The following HNRNPAB variants were observed in gnomAD, a reference collection of about 807,000 sequenced individuals.
HNRNPAB encodes ABBP-1.
Under a neutral mutation model 44.1 loss-of-function variants are expected in HNRNPAB, and 17 were observed. That is an observed-to-expected ratio of 0.39 (90% CI 0.26 to 0.58). The LOEUF is 0.58. Ranked by LOEUF, HNRNPAB falls within the 20% of genes least tolerant of loss-of-function variation. HNRNPAB has a pLI of 0.63. For missense variants in HNRNPAB, 393 were observed against 432.7 expected (o/e 0.91, Z 0.81); for synonymous variants, 183 against 167.6 (o/e 1.09, Z -0.71).
intron 5 of HNRNPAB, chr5:178,209,020 C>T (rs892527438): frequency 1.2e-5 from 4 of 321,386 alleles, no homozygotes; most frequent in African/African-American, 8.5e-5. Context: ...GTGCCTGGTC[C>T]CAGCCTGTCC....
At chr5:178,210,051 C>T (rs372712452) in intron 6 of HNRNPAB, 81 bp from the exon 7 acceptor site, 35 of 1,569,826 alleles carry the variant, frequency 2.2e-5, no homozygotes, top group Middle Eastern at 3.4e-4. Flanking sequence ...CCCTGCCACC[C>T]CAAAGGGCAG....
chr5:178,209,259 G>A, intron 5 of HNRNPAB, 71 bp from the exon 6 acceptor site: 1 of 1,167,546 alleles, frequency 8.6e-7, no homozygotes, highest in Non-Finnish European at 1.3e-6. Flanking sequence ...GTTTGTCGCA[G>A]TGAAGGTGTT....
At position 178,210,706 on chromosome 5, in the gene HNRNPAB, T is replaced by G; in HGVS notation, c.*83T>G. 9.1e-7 allele frequency: 1 copy of G among 1,102,314 alleles called. No individual in the cohort carries two copies. The highest frequency in any genetic ancestry group is 2.4e-5 in the East Asian group (1 of 41,568). 68.3% of individuals were successfully genotyped at this position (1,102,314 alleles called of 1,614,324 possible). On this transcript the variant is annotated 3_prime_UTR_variant, in exon 8 of 8. Coordinates refer to ENST00000358344, the MANE Select transcript of HNRNPAB (RefSeq NM_031266.3). Reference sequence around the variant, plus strand: ...ACACAATTATGTACCAAATTTAACTTGGCAAACTTTCTATTGCCTGTCCCA... The same window carrying G: ...ACACAATTATGTACCAAATTTAACTGGGCAAACTTTCTATTGCCTGTCCCA...
chr5:178,207,617 A>C (rs1757131680), intron 5 of HNRNPAB, among the ~76,000 whole-genome samples: 1 of 150,780 alleles, frequency 6.6e-6, no homozygotes, highest in African/African-American at 2.4e-5. Flanking sequence ...TCTGTGGTGA[A>C]GTTTTTCTTA....
chr5:178,210,889 T>TG lies in HNRNPAB; in HGVS notation c.*267dup. The TG allele has an allele frequency of 1.2e-5, 6 of 515,794 alleles. No homozygotes were observed. The South Asian group carries it at 1.4e-4, about 12-fold the overall frequency. 32.0% of individuals were successfully genotyped at this position (515,794 alleles called of 1,614,324 possible). On this transcript the variant is annotated 3_prime_UTR_variant, in exon 8 of 8. Transcript: ENST00000358344. Reference sequence around the variant, plus strand: ...TCCCCCAGAAGCAGGTGGGAGGCTCTGCTTCCTGCTGCCGCTCTGCAGCCT... The same window carrying TG: ...TCCCCCAGAAGCAGGTGGGAGGCTCTGGCTTCCTGCTGCCGCTCTGCAGCCT...
At chr5:178,208,277 C>A (rs1409611648) in intron 5 of HNRNPAB, among the ~76,000 whole-genome samples, 1 of 152,150 alleles carries the variant, frequency 6.6e-6, no homozygotes, top group East Asian at 1.9e-4. Context: ...AAGTCTCTAT[C>A]CTGGCTGGGA....
Position 178,210,252 on chromosome 5 carries a change from A to G in HNRNPAB, c.908A>G (p.Tyr303Cys). 6.2e-7 allele frequency: 1 copy of G among 1,613,994 alleles called. No individual in the cohort carries two copies. The highest frequency in any genetic ancestry group is 1.1e-5 in the South Asian group (1 of 91,084). ...TACTCGCCCTATGGCTATTACGGCT[A>G]CGGCCCCGGCTACGACTACAGTAAG... ...YDYSPYGYYG[Y>C]GPGYDYSQGS... is the part of the protein sequence containing the mutation. Residue 303 changes from tyrosine (Y) to cysteine (C), a missense_variant, in exon 7 of 8, where the codon TAC becomes TGC. Physicochemically the swap from Tyr to Cys is radical, Grantham distance 194. Around this residue, in one of 3 missense-constraint regions of HNRNPAB, gnomAD observed 210 missense variants for 196.9 expected, o/e 1.07. Transcript: ENST00000358344.
intron 5 of HNRNPAB, among the ~76,000 whole-genome samples, chr5:178,207,902 G>A (rs1757158120): frequency 6.6e-6 from 1 of 151,952 alleles, no homozygotes; most frequent in Non-Finnish European, 1.5e-5. Context: ...TCACCATGTT[G>A]CCTGGGCTCA....
rs1757036801 is a variant in HNRNPAB at position 178,205,829 on chromosome 5, C to T, written c.210-13C>T. Reference sequence around the variant, plus strand: ...CAAGACTTGTTGCCGTGTGTCTCACCCTACCATTTCAGAAAAATGTTCGTT... The same window carrying T: ...CAAGACTTGTTGCCGTGTGTCTCACTCTACCATTTCAGAAAAATGTTCGTT... On this transcript the variant is annotated splice_polypyrimidine_tract_variant and intron_variant, in intron 2 of 7. Coordinates refer to ENST00000358344, the MANE Select transcript of HNRNPAB (RefSeq NM_031266.3). 6.2e-7 allele frequency: 1 copy of T among 1,610,810 alleles called. No individual in the cohort carries two copies. The highest frequency in any genetic ancestry group is 1.3e-5 in the African/African-American group (1 of 74,912).
Position 178,210,969 on chromosome 5 carries a change from A to G in HNRNPAB, c.*346A>G. 1 of 278,624 alleles carries G rather than the reference A, an allele frequency of 3.6e-6. No homozygotes were observed. The highest frequency in any genetic ancestry group is 2.2e-5 in the African/African-American group (1 of 45,336). The allele number at this position is 278,624 out of a possible 1,614,324, so 17.3% of individuals were successfully genotyped here. A position where few individuals can be genotyped will look rare whatever the true frequency, so the allele number is the denominator to read the frequency against. On this transcript the variant is annotated 3_prime_UTR_variant, in exon 8 of 8. Transcript: ENST00000358344. ...AATTGTATCTTAGGAAACCAGTGTC[A>G]CCTTTTTTTCACCTTTTAATTTTAT...
chr5:178,206,016 C>G lies in HNRNPAB; in HGVS notation c.378+6C>G, dbSNP rs775187761. The G allele has an allele frequency of 2.5e-6, 4 of 1,610,276 alleles. No individual in the cohort carries two copies. Among genetic ancestry groups the G allele is most frequent in the Non-Finnish European group, 2.5e-6 (3 of 1,178,184 alleles). ...ATGCAGCCAGTGTGGAGAAGGTAAG[C>G]TGGGTACTGGATTTCAGCAGTCTCA... On this transcript the variant is annotated splice_donor_region_variant and intron_variant, in intron 3 of 7. Transcript: ENST00000358344.
At chr5:178,207,062 A>AT in intron 4 of HNRNPAB, 32 bp from the exon 5 acceptor site, 1 of 1,612,928 alleles carries the variant, frequency 6.2e-7, no homozygotes, top group Non-Finnish European at 8.5e-7. Flanking sequence ...GTAGGGAGGT[A>AT]TTGGGCCTGA....
intron 2 of HNRNPAB, 53 bp from the exon 3 acceptor site, chr5:178,205,789 A>T: frequency 6.3e-7 from 1 of 1,577,138 alleles, no homozygotes; most frequent in South Asian, 1.2e-5. Flanking sequence ...CCTTTCCAAA[A>T]TCACAGCTTG....
intron 4 of HNRNPAB, 54 bp downstream of exon 4, chr5:178,206,944 C>T: frequency 6.2e-7 from 1 of 1,604,640 alleles, no homozygotes; most frequent in Non-Finnish European, 8.5e-7. Context: ...TGCCTTCTTT[C>T]TGGTCCTTGG....
rs977977512 is a variant in HNRNPAB, at chr5:178,210,697, A to G, written c.*74A>G. The G allele has an allele frequency of 6.1e-5, 75 of 1,225,484 alleles. No homozygotes were observed. The highest frequency in any genetic ancestry group is 7.7e-5 in the Non-Finnish European group (64 of 831,132). The allele number at this position is 1,225,484 out of a possible 1,614,324, so 75.9% of individuals were successfully genotyped here. A position where few individuals can be genotyped will look rare whatever the true frequency, so the allele number is the denominator to read the frequency against. On this transcript the variant is annotated 3_prime_UTR_variant, in exon 8 of 8. Transcript: ENST00000358344. ...ATGGAGTGAACACAATTATGTACCA[A>G]ATTTAACTTGGCAAACTTTCTATTG...
Position 178,210,254 on chromosome 5 carries a change from G to A in HNRNPAB, c.910G>A (p.Gly304Ser), listed in dbSNP as rs773958228. 15 of 1,613,856 alleles carry A rather than the reference G, an allele frequency of 9.3e-6. No individual in the cohort carries two copies. Among genetic ancestry groups the A allele is most frequent in the East Asian group, 6.7e-5 (3 of 44,892 alleles). ...CTCGCCCTATGGCTATTACGGCTAC[G>A]GCCCCGGCTACGACTACAGTAAGTA... ...DYSPYGYYGY[G>S]PGYDYSQGST... The change falls in exon 7 of 8, where the codon GGC (glycine) becomes AGC (serine). Residue 304 changes from glycine (G) to serine (S), a missense_variant. By Grantham distance (56) the Gly-to-Ser change is moderately conservative (BLOSUM62 0). This residue lies in a region of HNRNPAB where 210 missense variants were observed against 196.9 expected (regional missense o/e 1.07). Transcript: ENST00000358344.
At chr5:178,207,645 C>T (rs918577527) in intron 5 of HNRNPAB, among the ~76,000 whole-genome samples, 31 of 148,784 alleles carry the variant, frequency 2.1e-4, no homozygotes, top group African/African-American at 6.9e-4. Context: ...GCCTTTCTAC[C>T]TCCTTCTACA....
chr5:178,210,503 C>T, intron 7 of HNRNPAB, 50 bp from the exon 8 acceptor site: 1 of 1,574,624 alleles, frequency 6.4e-7, no homozygotes, highest in Non-Finnish European at 8.7e-7. Flanking sequence ...GCGCGTGGCA[C>T]AGGGCAAATG....
rs766789270 is a variant in HNRNPAB at position 178,206,725 on chromosome 5, G to C, written c.379-7G>C. On this transcript the variant is annotated splice_polypyrimidine_tract_variant and splice_region_variant and intron_variant, in intron 3 of 7. Transcript: ENST00000358344. ...TGAGTCAGCCTGACCCCTTTCTGTT[G>C]GAACAGGTCCTAGACCAGAAGGAGC... The C allele has an allele frequency of 6.2e-7, 1 of 1,613,084 alleles. No homozygotes were observed. The highest frequency in any genetic ancestry group is 1.7e-5 in the Admixed American group (1 of 60,000).
Sources: gnomAD v4.1 joint callset for allele counts (sites outside exome capture counted in the v4.1 genomes callset) on GRCh38, gnomAD v4.1.1 for gene constraint, gnomAD v4.1.1 regional missense constraint, MANE v1.5 for transcripts, NCBI Gene and HGNC (gene_info 2026-07-23, HGNC 2026-07-21) for gene names.